DNAJC6: variants seen among roughly 807,000 people sequenced by gnomAD.
DNAJC6 encodes auxilin.
Under a neutral mutation model 110.0 loss-of-function variants are expected in DNAJC6, and 34 were observed. The observed-to-expected ratio is 0.31, with a 90% CI of 0.24 to 0.41. The LOEUF is 0.41. Ranked by LOEUF, DNAJC6 falls within the 10% of genes least tolerant of loss-of-function variation. The pLI, the probability that DNAJC6 is intolerant of heterozygous loss-of-function variation, is 1.00. For missense variants in DNAJC6, 1,031 were observed against 1,207.8 expected (o/e 0.85, Z 2.17); for synonymous variants, 406 against 437.2 (o/e 0.93, Z 0.89).
rs572755651 is a variant in DNAJC6 at position 65,324,239 on chromosome 1, C to T, written c.193+14301C>T. On this transcript the variant is annotated intron_variant, in intron 1 of 18. Transcript: ENST00000371069. ...CACCCAGGCAGGAGTGCAAATAGCA[C>T]GATCTCAACTCACTGCAGCCTCTAC... Among the ~76,000 whole-genome samples, 8 of 152,080 alleles carry T rather than the reference C, an allele frequency of 5.3e-5. No individual in the cohort carries two copies. In the South Asian group the frequency reaches 8.3e-4, roughly 16 times the overall value.
Position 65,309,839 on chromosome 1 carries a change from A to T in DNAJC6, c.94A>T (p.Ser32Cys), listed in dbSNP as rs1190625878. The change falls in exon 1 of 19, where the codon AGC (serine) becomes TGC (cysteine). Residue 32 changes from serine to cysteine, a missense_variant. Coordinates refer to ENST00000371069, the MANE Select transcript of DNAJC6 (RefSeq NM_001256864.2). ...CAGTAACGGGGACTTAAGTGCGGGA[A>T]GCGGCGGGGTTGGCGGCAAGCAGAG... The part of the protein sequence containing the change: ...VDSNGDLSAG[S>C]GGVGGKQRVN... 4.5e-6 allele frequency: 7 copies of T among 1,548,762 alleles called. No individual in the cohort carries two copies. Among genetic ancestry groups the T allele is most frequent in the Non-Finnish European group, 6.1e-6 (7 of 1,146,228 alleles).
At position 65,389,436 on chromosome 1, in the gene DNAJC6, G is replaced by T. The variant is rs148673423; in HGVS notation, c.1374G>T (p.Thr458=). Residue 458 remains threonine, a synonymous_variant, in exon 10 of 19, where the codon ACG becomes ACT. Coordinates refer to ENST00000371069, the MANE Select transcript of DNAJC6 (RefSeq NM_001256864.2). Reference sequence around the variant, plus strand: ...CTTCTCACCAGGAACATCAAGATACGCTGGCCTTAGGAGGTATGAGTCACC... The same window carrying T: ...CTTCTCACCAGGAACATCAAGATACTCTGGCCTTAGGAGGTATGAGTCACC... ...LFSSHQEHQD[T]LALGGQAPID... is the part of the protein sequence containing the mutation. 6.2e-7 allele frequency: 1 copy of T among 1,613,980 alleles called. No individual in the cohort carries two copies. Among genetic ancestry groups the T allele is most frequent in the Non-Finnish European group, 8.5e-7 (1 of 1,179,976 alleles).
At chr1:65,411,521 C>G in intron 18 of DNAJC6, 95 bp downstream of exon 18, 2 of 1,184,378 alleles carry the variant, frequency 1.7e-6, no homozygotes, top group Non-Finnish European at 2.3e-6. Flanking sequence ...GTTCATATGG[C>G]CTATTTTTAA....
intron 1 of DNAJC6, chr1:65,278,982 C>A: frequency 1.0e-6 from 1 of 985,388 alleles, no homozygotes; most frequent in Non-Finnish European, 1.2e-6. Context: ...CATCCCCTTC[C>A]CCATGGCAGT....
intron 4 of DNAJC6, among the ~76,000 whole-genome samples, chr1:65,370,970 C>T (rs1428218437): frequency 1.3e-5 from 2 of 152,120 alleles, no homozygotes; most frequent in Non-Finnish European, 2.9e-5. Flanking sequence ...CACTCTGCTA[C>T]CATGCCTCAG....
chr1:65,413,268 C>G lies in DNAJC6; in HGVS notation c.*243C>G. ...TAGTCAGATGACCTTGCAGAACCAC[C>G]GCATTCCACCCTGCCCTTTGGGGAG... On this transcript the variant is annotated 3_prime_UTR_variant, in exon 19 of 19. Coordinates refer to ENST00000371069, the MANE Select transcript of DNAJC6 (RefSeq NM_001256864.2). 2 of 419,478 alleles carry G rather than the reference C, an allele frequency of 4.8e-6. No homozygotes were observed. The highest frequency in any genetic ancestry group is 8.6e-6 in the Non-Finnish European group (2 of 231,452). 26.0% of individuals were successfully genotyped at this position (419,478 alleles called of 1,614,324 possible).
chr1:65,391,665 A>G (rs926396126), intron 11 of DNAJC6, among the ~76,000 whole-genome samples: 23 of 148,990 alleles, frequency 1.5e-4, no homozygotes, highest in Admixed American at 7.2e-4. Flanking sequence ...CTCCCCGGCC[A>G]AAGCACCTAG....
chr1:65,354,000 A>G (rs563332627), intron 1 of DNAJC6, among the ~76,000 whole-genome samples: 8 of 152,068 alleles, frequency 5.3e-5, no homozygotes, highest in Non-Finnish European at 1.2e-4. Context: ...TGATTATTGC[A>G]TTCCATAGCA....
chr1:65,265,480 C>G (rs1653283125), intron 1 of DNAJC6, among the ~76,000 whole-genome samples: 1 of 152,086 alleles, frequency 6.6e-6, no homozygotes, highest in African/African-American at 2.4e-5. Context: ...TGTAAACTAC[C>G]CCCACTCCAT....
At chr1:65,352,044 GT>G (rs1645495588) in intron 1 of DNAJC6, among the ~76,000 whole-genome samples, 1 of 152,122 alleles carries the variant, frequency 6.6e-6, no homozygotes, top group African/African-American at 2.4e-5. Context: ...AGGATTACAG[GT>G]GTGGGCCACT....
At chr1:65,367,870 A>C (rs915875220) in intron 4 of DNAJC6, among the ~76,000 whole-genome samples, 4 of 106,814 alleles carry the variant, frequency 3.7e-5, no homozygotes, top group African/African-American at 2.0e-4. Flanking sequence ...AAGAGGAGGG[A>C]GCATTTTTTT....
intron 11 of DNAJC6, 104 bp from the exon 12 acceptor site, chr1:65,392,327 G>A (rs1229571277): frequency 9.7e-6 from 11 of 1,134,744 alleles, no homozygotes; most frequent in Middle Eastern, 3.0e-4. Context: ...TTTGCTCAGG[G>A]CTGAATCCTT....
intron 11 of DNAJC6, among the ~76,000 whole-genome samples, chr1:65,391,725 T>C (rs1001978609): frequency 1.3e-5 from 2 of 152,196 alleles, no homozygotes; most frequent in East Asian, 3.9e-4. Context: ...TTACTATTGA[T>C]TGGAGTGATT....
intron 9 of DNAJC6, 122 bp downstream of exon 9, chr1:65,388,537 C>A: frequency 2.3e-6 from 2 of 855,762 alleles, no homozygotes; most frequent in South Asian, 1.4e-5. Flanking sequence ...GAGTGTCACT[C>A]AGTAGCACAG....
chr1:65,410,486 T>G (rs1157803188), intron 17 of DNAJC6, among the ~76,000 whole-genome samples: 1 of 152,234 alleles, frequency 6.6e-6, no homozygotes, highest in Non-Finnish European at 1.5e-5. Context: ...TTTATTTCAT[T>G]TAAACCATGT....
In DNAJC6 at chr1:65,355,878, A is replaced by G. The variant is rs182208015; in HGVS notation, c.194-8757A>G. 4.3e-3 allele frequency among the ~76,000 whole-genome samples: 514 copies of G among 118,662 alleles called. 3 individuals carry two copies. Among genetic ancestry groups the G allele is most frequent in the African/African-American group, 0.016 (497 of 30,626 alleles). 77.8% of individuals were successfully genotyped at this position (118,662 alleles called of 152,430 possible). A position where few individuals can be genotyped will look rare whatever the true frequency, so the allele number is the denominator to read the frequency against. ...TTTGTTAACCCTGAAATGGAACAGC[A>G]TGGCTTTTTTTTTTTTTTTTTTTTT... On this transcript the variant is annotated intron_variant, in intron 1 of 18. Coordinates refer to ENST00000371069, the MANE Select transcript of DNAJC6 (RefSeq NM_001256864.2).
chr1:65,322,755 A>G (rs1645208494), intron 1 of DNAJC6, among the ~76,000 whole-genome samples: 1 of 152,212 alleles, frequency 6.6e-6, no homozygotes. Context: ...CATTCTTGTC[A>G]AAGCTGAGTA....
intron 1 of DNAJC6, among the ~76,000 whole-genome samples, chr1:65,361,844 C>T (rs748223203): frequency 5.3e-5 from 8 of 152,158 alleles, no homozygotes; most frequent in Non-Finnish European, 1.0e-4. Flanking sequence ...GTGTTCCTCA[C>T]TGTGTTGCTT....
In DNAJC6 at chr1:65,265,845, C is replaced by T. The variant is rs1294256723; in HGVS notation, c.-131+913C>T. ...GGGCGCAGCGGAGTCGCGTGCCCGT[C>T]CGGGCGGAGGACGCCGTCTCCGCGC... On this transcript the variant is annotated intron_variant, in intron 1 of 19. Transcript: ENST00000263441. 2.0e-5 allele frequency among the ~76,000 whole-genome samples: 3 copies of T among 151,930 alleles called. No individual in the cohort carries two copies. The East Asian group carries it at 5.8e-4, about 29-fold the overall frequency.
Sources: gnomAD v4.1 joint callset for allele counts (sites outside exome capture counted in the v4.1 genomes callset) on GRCh38, gnomAD v4.1.1 for gene constraint, MANE v1.5 for transcripts, NCBI Gene and HGNC (gene_info 2026-07-23, HGNC 2026-07-21) for gene names.